The following SVEP1 variants were observed in gnomAD, a reference collection of about 807,000 sequenced individuals.
SVEP1 encodes the protein sushi, von Willebrand factor type A, EGF and pentraxin domain-containing protein 1.
In SVEP1, 164 loss-of-function variants were observed where a neutral mutation model predicts 367.3. The ratio of observed to expected loss-of-function variants is 0.45; its 90% confidence interval spans 0.39 to 0.51. The LOEUF is 0.51. Among genes scored for constraint, SVEP1 ranks in the 20% least tolerant of loss-of-function variants. SVEP1 has a pLI of 0.00. For synonymous variants in SVEP1, 1,666 were observed against 1,611.6 expected (o/e 1.03, Z -0.81); for missense variants, 4,117 against 4,425.3 (o/e 0.93, Z 1.98).
intron 39 of SVEP1, among the ~76,000 whole-genome samples, chr9:110,403,285 C>G (rs1827891005): frequency 7.9e-6 from 1 of 126,340 alleles, no homozygotes; most frequent in Non-Finnish European, 1.6e-5. Flanking sequence ...GATTCCTTCC[C>G]CGCCACCGCC....
intron 42 of SVEP1, 24 bp from the exon 43 acceptor site, chr9:110,386,098 T>G (rs1288376340): frequency 1.3e-6 from 2 of 1,595,974 alleles, no homozygotes; most frequent in East Asian, 4.5e-5. Context: ...AAGAAAATGC[T>G]TACTGATATT....
At chr9:110,504,302 C>T (rs949960603) in intron 5 of SVEP1, among the ~76,000 whole-genome samples, 15 of 152,048 alleles carry the variant, frequency 9.9e-5, no homozygotes, top group African/African-American at 2.7e-4. Context: ...CCTTGTGATC[C>T]GCCAGCCTCG....
intron 14 of SVEP1, among the ~76,000 whole-genome samples, chr9:110,474,632 G>A (rs190688927): frequency 1.8e-4 from 27 of 152,252 alleles, no homozygotes; most frequent in Non-Finnish European, 1.5e-5. Context: ...AACAATCTGG[G>A]AGGGGAAACC....
At chr9:110,382,866 T>C (rs1827459053) in intron 43 of SVEP1, among the ~76,000 whole-genome samples, 1 of 152,206 alleles carries the variant, frequency 6.6e-6, no homozygotes, top group South Asian at 2.1e-4. Context: ...TTGATACTTG[T>C]TGCATTGTGA....
At chr9:110,485,308 A>C (rs745714422) in intron 9 of SVEP1, among the ~76,000 whole-genome samples, 2 of 152,240 alleles carry the variant, frequency 1.3e-5, no homozygotes, top group Non-Finnish European at 2.9e-5. Flanking sequence ...GCTGGAAGCC[A>C]TTATCCTCAG....
rs1203825432 is a variant in SVEP1, at chr9:110,482,522, G to A, written c.2039-30C>T. On this transcript the variant is annotated intron_variant, in intron 10 of 47. Coordinates refer to ENST00000374469, the MANE Select transcript of SVEP1 (RefSeq NM_153366.4). ...AAAGGAAAGAAGGCAGCCAATTTTTGGGTTGTATTCACAATATTTTTTTTG... is the reference window on the plus strand; with the variant it reads ...AAAGGAAAGAAGGCAGCCAATTTTTAGGTTGTATTCACAATATTTTTTTTG... 2.6e-6 allele frequency: 4 copies of A among 1,550,198 alleles called. No individual in the cohort carries two copies. The East Asian group carries it at 7.3e-5, about 28-fold the overall frequency.
intron 22 of SVEP1, among the ~76,000 whole-genome samples, chr9:110,452,210 A>G (rs557019871): frequency 1.4e-4 from 21 of 152,234 alleles, no homozygotes; most frequent in African/African-American, 4.8e-4. Flanking sequence ...CATACAGACC[A>G]TTATGAACAC....
chr9:110,457,860 A>C (rs1157130957), intron 20 of SVEP1, among the ~76,000 whole-genome samples: 1 of 152,218 alleles, frequency 6.6e-6, no homozygotes, highest in Non-Finnish European at 1.5e-5. Flanking sequence ...TGTAATCAGA[A>C]AAATATCCCC....
Position 110,549,968 on chromosome 9 carries a change from A to G in SVEP1, c.668T>C (p.Ile223Thr), listed in dbSNP as rs769767740. ...DSGVEIFTFGIWQGNIRELND... is the reference protein window; with the variant it reads ...DSGVEIFTFGTWQGNIRELND... ...CAGCTCTCGAATGTTCCCTTGCCAT[A>G]TGCCAAAAGTGAAGATCTCCACTCC... is the stretch of plus-strand genomic sequence containing the variant. Residue 223 changes from isoleucine to threonine, a missense_variant, in exon 2 of 48, where the codon ATA becomes ACA. By Grantham distance (89) the Ile-to-Thr change is moderately conservative. Coordinates refer to ENST00000374469, the MANE Select transcript of SVEP1 (RefSeq NM_153366.4). 6.2e-7 allele frequency: 1 copy of G among 1,614,016 alleles called. No homozygotes were observed. The highest frequency in any genetic ancestry group is 1.7e-5 in the Admixed American group (1 of 60,028).
intron 44 of SVEP1, among the ~76,000 whole-genome samples, chr9:110,378,919 A>G (rs1446417807): frequency 6.6e-6 from 1 of 152,162 alleles, no homozygotes; most frequent in Non-Finnish European, 1.5e-5. Context: ...TAAAAAAAAA[A>G]AAAGTCCAAA....
intron 1 of SVEP1, among the ~76,000 whole-genome samples, chr9:110,574,767 G>GA (rs1554724484): frequency 8.9e-4 from 82 of 92,382 alleles, no homozygotes; most frequent in East Asian, 2.7e-3. Flanking sequence ...TTTTTTTTTT[G>GA]AGGAGTCTCA....
At chr9:110,571,224 C>A (rs113531035) in intron 1 of SVEP1, among the ~76,000 whole-genome samples, 2,135 of 152,282 alleles carry the variant, frequency 0.014, 27 homozygotes, top group Non-Finnish European at 0.018. Context: ...CTGCCTCAGC[C>A]TCCCAAAGTG....
At chr9:110,552,015 G>C (rs1420968966) in intron 1 of SVEP1, among the ~76,000 whole-genome samples, 1 of 145,028 alleles carries the variant, frequency 6.9e-6, no homozygotes, top group African/African-American at 2.5e-5. Context: ...TAGAGCAGTG[G>C]TACCCAACCT....
chr9:110,463,029 T>C (rs1828882017), intron 18 of SVEP1, among the ~76,000 whole-genome samples: 2 of 152,126 alleles, frequency 1.3e-5, no homozygotes, highest in Non-Finnish European at 1.5e-5. Context: ...AAGAATATCA[T>C]AACATCATTT....
intron 43 of SVEP1, among the ~76,000 whole-genome samples, chr9:110,380,976 T>A (rs1440010516): frequency 6.6e-6 from 1 of 152,244 alleles, no homozygotes; most frequent in East Asian, 1.9e-4. Flanking sequence ...ATTTATCCAT[T>A]TCTTCTAGAT....
In SVEP1 at chr9:110,432,079, C is replaced by T. The variant is rs115592402; in HGVS notation, c.5234-45G>A. 2,253 of 1,550,158 alleles carry T rather than the reference C, an allele frequency of 1.5e-3. 30 individuals are homozygous for T. The African/African-American group carries it at 0.027, about 19-fold the overall frequency. ...TAAATATTAAAGTTGATTCCTTTTC[C>T]GTATGTATCAAACATCTGTTTTTAC... On this transcript the variant is annotated intron_variant, in intron 31 of 47. Transcript: ENST00000374469.
At chr9:110,544,310 G>A (rs1466895533) in intron 3 of SVEP1, among the ~76,000 whole-genome samples, 1 of 152,030 alleles carries the variant, frequency 6.6e-6, no homozygotes, top group Non-Finnish European at 1.5e-5. Context: ...AGCAAACCCA[G>A]TGCTCCCAAA....
At chr9:110,544,152 G>GA (rs1001470590) in intron 3 of SVEP1, among the ~76,000 whole-genome samples, 53 of 151,694 alleles carry the variant, frequency 3.5e-4, no homozygotes, top group African/African-American at 1.2e-3. Context: ...AAAGAAGAAG[G>GA]AAAAAAGAAA....
chr9:110,396,582 C>G (rs920434478), intron 40 of SVEP1, among the ~76,000 whole-genome samples: 1 of 139,494 alleles, frequency 7.2e-6, no homozygotes, highest in Non-Finnish European at 1.5e-5. Context: ...AAAAGATCAA[C>G]AAAATTGATA....
Sources: allele counts gnomAD v4.1 joint callset (sites outside exome capture counted in the v4.1 genomes callset), GRCh38; gene constraint gnomAD v4.1.1; transcripts MANE v1.5; gene names NCBI Gene and HGNC (gene_info 2026-07-23, HGNC 2026-07-21).